ODR4: variants seen among roughly 807,000 people sequenced by gnomAD.
ODR4 encodes the protein protein odr-4 homolog.
Under a neutral mutation model 60.2 loss-of-function variants are expected in ODR4, and 47 were observed. The ratio of observed to expected loss-of-function variants is 0.78; its 90% CI spans 0.62 to 1.00. The LOEUF (loss-of-function observed/expected upper bound fraction) is 1.00. Among genes scored for constraint, ODR4 ranks in the 50% least tolerant of loss-of-function variants. ODR4 has a pLI of 0.00. For synonymous variants in ODR4, 178 were observed against 175.5 expected (o/e 1.01, Z -0.11); for missense variants, 488 against 530.8 (o/e 0.92, Z 0.79).
intron 3 of ODR4, among the ~76,000 whole-genome samples, chr1:186,385,267 T>A (rs1660210162): frequency 6.7e-6 from 1 of 149,212 alleles, no homozygotes; most frequent in African/African-American, 2.5e-5. Context: ...AAATAATGGA[T>A]TTTCAAGTCA....
chr1:186,377,197 A>G (rs1457480971), intron 1 of ODR4, among the ~76,000 whole-genome samples: 2 of 152,236 alleles, frequency 1.3e-5, no homozygotes, highest in South Asian at 4.1e-4. Context: ...GGGAATAGTG[A>G]CAAGAAAAAA....
At chr1:186,411,709 A>G (rs1383068176) in intron 12 of ODR4, 1 of 191,630 alleles carries the variant, frequency 5.2e-6, no homozygotes, top group Non-Finnish European at 9.6e-6. Flanking sequence ...TGATTTGTGG[A>G]TTTTAACTTT....
intron 11 of ODR4, among the ~76,000 whole-genome samples, chr1:186,403,202 G>T (rs1231289826): frequency 1.3e-5 from 2 of 152,016 alleles, no homozygotes; most frequent in Non-Finnish European, 2.9e-5. Context: ...AGAATACATT[G>T]TAAGTGTGAT....
At chr1:186,428,080 C>G in the ODR4 span, among the ~76,000 whole-genome samples, 1 of 152,206 alleles carries the variant, frequency 6.6e-6, no homozygotes, top group Non-Finnish European at 1.5e-5. Flanking sequence ...AACTTAAAGT[C>G]ACCAGGTGCA....
At chr1:186,395,209 C>T (rs1181694929) in intron 9 of ODR4, among the ~76,000 whole-genome samples, 3 of 152,156 alleles carry the variant, frequency 2.0e-5, no homozygotes, top group Non-Finnish European at 4.4e-5. Flanking sequence ...ATTCTCCTGC[C>T]TCAGCCTCCT....
chr1:186,384,329 A>G (rs3131549), intron 3 of ODR4, among the ~76,000 whole-genome samples: 6,682 of 151,888 alleles, frequency 0.044, 161 homozygotes, highest in Non-Finnish European at 0.048. Flanking sequence ...AGGAACAAAT[A>G]TAGCGAGAAC....
intron 11 of ODR4, among the ~76,000 whole-genome samples, chr1:186,402,198 C>CTTTCTTTCTTTCTT (rs1558085024): frequency 7.1e-6 from 1 of 141,638 alleles, no homozygotes; most frequent in African/African-American, 2.7e-5. Context: ...TTCTTTCTTT[C>CTTTCTTTCTTTCTT]TTTCTTTCTT....
chr1:186,398,874 T>G, intron 10 of ODR4, 80 bp from the exon 11 acceptor site: 1 of 1,042,278 alleles, frequency 9.6e-7, no homozygotes, highest in Non-Finnish European at 1.4e-6. Context: ...GGAAAGCAAA[T>G]TATTTTTTTT....
intron 12 of ODR4, among the ~76,000 whole-genome samples, chr1:186,413,824 G>T (rs1386005599): frequency 1.3e-5 from 2 of 152,176 alleles, no homozygotes; most frequent in African/African-American, 2.4e-5. Flanking sequence ...TTCATTTTAA[G>T]CTTCTAAATA....
intron 5 of ODR4, 49 bp from the exon 6 acceptor site, chr1:186,389,539 A>T: frequency 7.3e-7 from 1 of 1,363,336 alleles, no homozygotes; most frequent in Non-Finnish European, 1.0e-6. Flanking sequence ...ATATTCTTTT[A>T]GTTACCAATA....
At chr1:186,389,450 G>GTACATGTGTGCATATATA in intron 5 of ODR4, 138 bp from the exon 6 acceptor site, 1 of 641,210 alleles carries the variant, frequency 1.6e-6, no homozygotes, top group Non-Finnish European at 2.7e-6. Flanking sequence ...GTACATATAT[G>GTACATGTGTGCATATATA]TACGCATATC....
chr1:186,426,858 T>A, the ODR4 span, among the ~76,000 whole-genome samples: 1 of 152,192 alleles, frequency 6.6e-6, no homozygotes, highest in Non-Finnish European at 1.5e-5. Context: ...AGTCACAATT[T>A]TTTTTTGTTT....
intron 11 of ODR4, among the ~76,000 whole-genome samples, chr1:186,404,946 G>A (rs749334877): frequency 2.6e-5 from 4 of 152,050 alleles, no homozygotes; most frequent in Admixed American, 1.3e-4. Context: ...CATAAGGATC[G>A]TAGCATTTAA....
chr1:186,417,014 G>C (rs1221092221), intron 12 of ODR4, among the ~76,000 whole-genome samples: 1 of 152,004 alleles, frequency 6.6e-6, no homozygotes, highest in African/African-American at 2.4e-5. Flanking sequence ...CCAGGCTGGA[G>C]TGCAGTGGTG....
chr1:186,376,132 TTTTTGGTGG>T (rs1659752287), intron 1 of ODR4, among the ~76,000 whole-genome samples, 158 bp downstream of exon 1: 1 of 151,674 alleles, frequency 6.6e-6, no homozygotes, highest in Non-Finnish European at 1.5e-5. Context: ...ACCTAAATGG[TTTTTGGTGG>T]TGGGGAGGTG....
At position 186,383,697 on chromosome 1, in the gene ODR4, A is replaced by ATATATATATATATATG. The variant is rs1491030699; in HGVS notation, c.234+542_234+543insATATATATATATATGT. 3.3e-5 allele frequency among the ~76,000 whole-genome samples: 5 copies of ATATATATATATATATG among 150,670 alleles called. No homozygotes were observed. The East Asian group carries it at 9.7e-4, about 29-fold the overall frequency. On this transcript the variant is annotated intron_variant, in intron 3 of 13. Coordinates refer to ENST00000287859, the MANE Select transcript of ODR4 (RefSeq NM_017847.6). The stretch of plus-strand genomic sequence containing the variant: ...TATGTAGATATATATATATATATAT[A>ATATATATATATATATG]TGGACATATATTTGTGTCTGTGTAT...
chr1:186,400,890 C>T (rs147606272), intron 11 of ODR4: 40 of 627,732 alleles, frequency 6.4e-5, no homozygotes, highest in African/African-American at 6.3e-4. Context: ...GACCTGTTCA[C>T]ATAGTCCATC....
chr1:186,396,433 C>T (rs987640363), intron 9 of ODR4, among the ~76,000 whole-genome samples: 16 of 151,984 alleles, frequency 1.1e-4, no homozygotes, highest in African/African-American at 2.9e-4. Context: ...ACAAGTGAAA[C>T]CCTGTCTCTA....
chr1:186,381,327 T>G (rs946660697), intron 2 of ODR4, among the ~76,000 whole-genome samples: 6 of 151,604 alleles, frequency 4.0e-5, no homozygotes, highest in Non-Finnish European at 5.9e-5. Context: ...TTTAAGGCCT[T>G]CCTTCTTTTT....
Sources: allele counts gnomAD v4.1 joint callset (sites outside exome capture counted in the v4.1 genomes callset), GRCh38; gene constraint gnomAD v4.1.1; transcripts MANE v1.5; gene names NCBI Gene and HGNC (gene_info 2026-07-23, HGNC 2026-07-21).